CTDSP2: variants seen among roughly 807,000 people sequenced by gnomAD.
CTDSP2 encodes the protein carboxy-terminal domain RNA polymerase II polypeptide A small phosphatase 2.
Under a neutral mutation model 31.6 loss-of-function variants are expected in CTDSP2, and 9 were observed. The observed-to-expected ratio is 0.28, with a 90% confidence interval of 0.17 to 0.50. The LOEUF (loss-of-function observed/expected upper bound fraction) is 0.50, where lower values mean the gene tolerates loss of function less well. Among genes scored for constraint, CTDSP2 ranks in the 20% least tolerant of loss-of-function variants. The pLI, the probability that CTDSP2 is intolerant of heterozygous loss-of-function variation, is 0.98. For synonymous variants in CTDSP2, 134 were observed against 134.5 expected (o/e 1.00, Z 0.03); for missense variants, 267 against 348.5 (o/e 0.77, Z 1.86).
intron 3 of CTDSP2, 106 bp downstream of exon 3, chr12:57,827,446 G>A: frequency 2.2e-5 from 27 of 1,239,190 alleles, no homozygotes; most frequent in Non-Finnish European, 3.2e-5. Context: ...AGGTCAGGGA[G>A]GTGGCTGGCT....
chr12:57,827,653 C>G (rs1290833897), intron 2 of CTDSP2, 63 bp from the exon 3 acceptor site: 77 of 1,522,504 alleles, frequency 5.1e-5, no homozygotes, highest in Non-Finnish European at 6.6e-5. Flanking sequence ...TCCAAACCCA[C>G]TGCTTCTGTC....
chr12:57,823,575 A>G lies in CTDSP2; in HGVS notation c.*27T>C. Reference sequence around the variant, plus strand: ...CAGTGTGGGAAAGTCCCCTACTGGGATGGCCGTCGCTTGGAAGCAGGGCAG... The same window carrying G: ...CAGTGTGGGAAAGTCCCCTACTGGGGTGGCCGTCGCTTGGAAGCAGGGCAG... On this transcript the variant is annotated 3_prime_UTR_variant, in exon 8 of 8. Transcript: ENST00000398073. 6.2e-7 allele frequency: 1 copy of G among 1,612,310 alleles called. No homozygotes were observed. Among genetic ancestry groups the G allele is most frequent in the South Asian group, 1.1e-5 (1 of 90,888 alleles).
chr12:57,835,958 A>G (rs556131130), intron 1 of CTDSP2, among the ~76,000 whole-genome samples: 1 of 152,324 alleles, frequency 6.6e-6, no homozygotes, highest in Non-Finnish European at 1.5e-5. Context: ...GGATAAACGA[A>G]GTTAGAGAGT....
intron 4 of CTDSP2, 65 bp from the exon 5 acceptor site, chr12:57,826,467 C>CCCTA (rs1956183926): frequency 2.6e-5 from 39 of 1,480,306 alleles, no homozygotes; most frequent in Non-Finnish European, 3.7e-5. Context: ...CCCACCATAC[C>CCCTA]CCTAGGTGGG....
intron 1 of CTDSP2, among the ~76,000 whole-genome samples, chr12:57,832,072 G>A (rs76706105): frequency 0.014 from 2,140 of 152,324 alleles, 55 homozygotes; most frequent in African/African-American, 0.047. Flanking sequence ...TGCCTCAACA[G>A]AAAGGCAGAG....
intron 5 of CTDSP2, 123 bp downstream of exon 5, chr12:57,826,223 T>G: frequency 3.2e-6 from 2 of 621,216 alleles, no homozygotes; most frequent in East Asian, 3.0e-5. Context: ...GAGGCTGGAG[T>G]TATAGAAAAG....
Position 57,821,146 on chromosome 12 carries a change from G to C in CTDSP2, c.*2456C>G, listed in dbSNP as rs889524529. 6.6e-6 allele frequency: 1 copy of C among 152,228 alleles called. No individual in the cohort carries two copies. Among genetic ancestry groups the C allele is most frequent in the African/African-American group, 2.4e-5 (1 of 41,434 alleles). The allele number at this position is 152,228 out of a possible 1,614,324, so 9.4% of individuals were successfully genotyped here. A position where few individuals can be genotyped will look rare whatever the true frequency, so the allele number is the denominator to read the frequency against. ...TAACACACGGTGAAACTGGAAACCC[G>C]ACAGCAAATAATGACTAGGCTGGCT... is the stretch of plus-strand genomic sequence containing the variant. On this transcript the variant is annotated 3_prime_UTR_variant, in exon 8 of 8. Transcript: ENST00000398073.
chr12:57,831,401 C>T (rs1298394088), intron 1 of CTDSP2, among the ~76,000 whole-genome samples: 3 of 151,916 alleles, frequency 2.0e-5, no homozygotes, highest in South Asian at 2.1e-4. Context: ...CGCAGTGAGC[C>T]GAGATCATGC....
intron 1 of CTDSP2, among the ~76,000 whole-genome samples, chr12:57,837,946 C>T (rs78728450): frequency 2.0e-3 from 306 of 152,278 alleles, no homozygotes; most frequent in African/African-American, 7.0e-3. Flanking sequence ...TTTCTTGTCT[C>T]TGCCCCTTCA....
chr12:57,844,353 T>C (rs1433784522), intron 1 of CTDSP2, among the ~76,000 whole-genome samples: 1 of 152,254 alleles, frequency 6.6e-6, no homozygotes, highest in Admixed American at 6.5e-5. Flanking sequence ...ATCTATTCTG[T>C]AGCCTGCCAT....
intron 3 of CTDSP2, chr12:57,827,304 AGGT>A (rs1310688639): frequency 3.5e-5 from 22 of 626,040 alleles, no homozygotes; most frequent in Non-Finnish European, 6.2e-5. Flanking sequence ...TGGACATTGG[AGGT>A]GGTGGCCAGG....
At chr12:57,846,288 AG>A (rs1346928973) in intron 1 of CTDSP2, 83 bp downstream of exon 1, 1 of 1,331,854 alleles carries the variant, frequency 7.5e-7, no homozygotes, top group African/African-American at 1.5e-5. Flanking sequence ...CTGGAGGTCA[AG>A]GGCCGAGACC....
At chr12:57,844,976 G>A (rs1037904534) in intron 1 of CTDSP2, among the ~76,000 whole-genome samples, 2 of 151,636 alleles carry the variant, frequency 1.3e-5, no homozygotes, top group Non-Finnish European at 2.9e-5. Flanking sequence ...CCAACTCAGC[G>A]GATTTGCCCC....
chr12:57,824,154 C>T, intron 6 of CTDSP2, 65 bp from the exon 7 acceptor site: 5 of 1,609,846 alleles, frequency 3.1e-6, no homozygotes, highest in Non-Finnish European at 3.4e-6. Flanking sequence ...CCCTAGGGAC[C>T]AAAAGGGAGC....
chr12:57,829,350 C>A, intron 2 of CTDSP2, 98 bp downstream of exon 2: 1 of 1,428,344 alleles, frequency 7.0e-7, no homozygotes, highest in Non-Finnish European at 9.7e-7. Flanking sequence ...ATCTTTGCAA[C>A]TTCAGGCAAA....
chr12:57,833,454 C>A (rs1956228849), intron 1 of CTDSP2, among the ~76,000 whole-genome samples: 1 of 152,214 alleles, frequency 6.6e-6, no homozygotes, highest in African/African-American at 2.4e-5. Flanking sequence ...ATTCCCCACT[C>A]CCTTGATGGG....
intron 1 of CTDSP2, among the ~76,000 whole-genome samples, chr12:57,840,492 G>T (rs1956276176): frequency 6.6e-6 from 1 of 152,166 alleles, no homozygotes; most frequent in Non-Finnish European, 1.5e-5. Flanking sequence ...GTCTCTACCT[G>T]CAGGCCCCTG....
At chr12:57,834,582 G>A (rs1956235463) in intron 1 of CTDSP2, among the ~76,000 whole-genome samples, 1 of 152,220 alleles carries the variant, frequency 6.6e-6, no homozygotes, top group South Asian at 2.1e-4. Flanking sequence ...TCCAAGACCT[G>A]CATTGTTCCT....
chr12:57,825,501 A>C (rs909216091), intron 5 of CTDSP2, among the ~76,000 whole-genome samples: 1 of 152,178 alleles, frequency 6.6e-6, no homozygotes, highest in African/African-American at 2.4e-5. Flanking sequence ...ATATGCCTTC[A>C]TCTTTTCTAC....
Sources: gnomAD v4.1 joint callset for allele counts (sites outside exome capture counted in the v4.1 genomes callset) on GRCh38, gnomAD v4.1.1 for gene constraint, MANE v1.5 for transcripts, NCBI Gene and HGNC (gene_info 2026-07-23, HGNC 2026-07-21) for gene names.